Variants in CD8B2 observed in about 807,000 individuals in gnomAD.
The protein encoded by CD8B2 is CD8B family member 2.
Under a neutral mutation model 23.7 loss-of-function variants are expected in CD8B2, and 11 were observed. The observed-to-expected ratio is 0.46, with a 90% CI of 0.29 to 0.77. The LOEUF (loss-of-function observed/expected upper bound fraction) is 0.77, where lower values mean the gene tolerates loss of function less well. Ranked by LOEUF, CD8B2 falls within the 30% of genes least tolerant of loss-of-function variation. The pLI is 0.09. For missense variants in CD8B2, 197 were observed against 270.5 expected (o/e 0.73, Z 1.91); for synonymous variants, 90 against 109.3 (o/e 0.82, Z 1.10).
At chr2:106,499,190 C>T (rs1679353009) in intron 3 of CD8B2, among the ~76,000 whole-genome samples, 2 of 152,092 alleles carry the variant, frequency 1.3e-5, no homozygotes, top group South Asian at 4.1e-4. Flanking sequence ...AGGAGCCCTG[C>T]CGCCCTGTAC....
At chr2:106,494,956 A>G (rs1477528518) in intron 2 of CD8B2, among the ~76,000 whole-genome samples, 1 of 152,176 alleles carries the variant, frequency 6.6e-6, no homozygotes, top group Non-Finnish European at 1.5e-5. Context: ...CTACATGCAG[A>G]AAAGGGCACC....
intron 5 of CD8B2, 90 bp downstream of exon 5, chr2:106,504,415 C>A: frequency 6.5e-7 from 1 of 1,547,538 alleles, no homozygotes. Flanking sequence ...AAAGTCAGAC[C>A]TCATCTTCCA....
intron 5 of CD8B2, among the ~76,000 whole-genome samples, chr2:106,541,063 T>C (rs1680164820): frequency 6.6e-6 from 1 of 152,036 alleles, no homozygotes; most frequent in Non-Finnish European, 1.5e-5. Context: ...GAGCTGGATG[T>C]GCAAGGGCCC....
chr2:106,510,770 T>C lies in CD8B2; in HGVS notation c.*3830T>C, dbSNP rs1262329937. On this transcript the variant is annotated 3_prime_UTR_variant, in exon 6 of 6. Transcript: ENST00000643224. ...TTCTAAAAAAAGTTTCTTGTTTTTT[T>C]TTCTTCCCATATTTTTTAAAACATA... 1 of 152,136 alleles carries C rather than the reference T, an allele frequency of 6.6e-6. No homozygotes were observed. The highest frequency in any genetic ancestry group is 1.5e-5 in the Non-Finnish European group (1 of 68,036). The allele number at this position is 152,136 out of a possible 1,614,324, so 9.4% of individuals were successfully genotyped here.
At chr2:106,515,356 C>T (rs2104565488), downstream of CD8B2, among the ~76,000 whole-genome samples, 1 of 152,334 alleles carries the variant, frequency 6.6e-6, no homozygotes, top group Middle Eastern at 3.4e-3. Flanking sequence ...CCTGTTTGTG[C>T]TCCCCACAAC....
At chr2:106,516,396 C>T (rs10206009) in intron 5 of CD8B2, among the ~76,000 whole-genome samples, 149,977 of 152,320 alleles carry the variant, frequency 0.98, 73,875 homozygotes, top group East Asian at 1. Context: ...TAAGCTGACC[C>T]GATACCTTCT....
intron 3 of CD8B2, among the ~76,000 whole-genome samples, chr2:106,501,323 G>A (rs1196613628): frequency 2.0e-5 from 3 of 151,870 alleles, no homozygotes; most frequent in Non-Finnish European, 4.4e-5. Flanking sequence ...AAGGTGCATT[G>A]AAAAAATAAA....
intron 3 of CD8B2, among the ~76,000 whole-genome samples, chr2:106,499,490 C>T (rs1679360810): frequency 6.7e-6 from 1 of 149,654 alleles, no homozygotes; most frequent in Non-Finnish European, 1.5e-5. Flanking sequence ...CGAGATCACG[C>T]CATTGCACTT....
rs549112335 is a variant in CD8B2, at chr2:106,535,166, A to G, written c.621-8826A>G. On this transcript the variant is annotated intron_variant, in intron 5 of 5. Coordinates refer to the CD8B2 transcript ENST00000416057. ...ATAATGTCCCAACGGTACCTTTTGG[A>G]AAAATCCATGGCTTCCTCCCTCTCT... The G allele has an allele frequency of 7.2e-5, 11 of 152,336 alleles. No homozygotes were observed. The South Asian group carries it at 2.1e-3, about 29-fold the overall frequency. The allele number at this position is 152,336 out of a possible 1,614,324, so 9.4% of individuals were successfully genotyped here.
At chr2:106,538,937 A>G (rs1018914146) in intron 5 of CD8B2, among the ~76,000 whole-genome samples, 1 of 152,178 alleles carries the variant, frequency 6.6e-6, no homozygotes, top group Admixed American at 6.5e-5. Flanking sequence ...GTGACTGTTT[A>G]TCTGTGTGAC....
chr2:106,498,780 C>T (rs1362463103), intron 3 of CD8B2, among the ~76,000 whole-genome samples: 2 of 152,138 alleles, frequency 1.3e-5, no homozygotes, highest in Non-Finnish European at 2.9e-5. Flanking sequence ...TGCTATTATA[C>T]ACCAGGCACT....
rs900062594 is a variant in CD8B2 at position 106,520,429 on chromosome 2, A to G, written c.620+16104A>G. ...AATCATTGAGGCTCGGGGACCAGAG[A>G]CACTGGGGGTAGGTGGTTCTCAGAA... On this transcript the variant is annotated intron_variant, in intron 5 of 5. Coordinates refer to the CD8B2 transcript ENST00000416057. Among the ~76,000 whole-genome samples the G allele has an allele frequency of 2.0e-5, 3 of 152,230 alleles. 1 individual carries two copies.
chr2:106,491,285 G>C (rs1159154880), intron 2 of CD8B2, 52 bp downstream of exon 2: 2 of 1,403,982 alleles, frequency 1.4e-6, no homozygotes, highest in Non-Finnish European at 2.0e-6. Context: ...TGCCAGGCAC[G>C]TGCCAGGCAC....
chr2:106,516,750 AC>A (rs1220052451), intron 5 of CD8B2, among the ~76,000 whole-genome samples: 3 of 152,126 alleles, frequency 2.0e-5, no homozygotes, highest in African/African-American at 4.8e-5. Flanking sequence ...AAGTTATACC[AC>A]ACATATAACT....
At chr2:106,535,152 A>G (rs976441013) in intron 5 of CD8B2, 15 of 152,162 alleles carry the variant, frequency 9.9e-5, no homozygotes, top group African/African-American at 3.6e-4. Context: ...TAATGTCCCA[A>G]CGGTACCTTT....
At chr2:106,541,486 TG>T (rs750982585) in intron 5 of CD8B2, among the ~76,000 whole-genome samples, 4 of 152,180 alleles carry the variant, frequency 2.6e-5, no homozygotes, top group Non-Finnish European at 5.9e-5. Context: ...CTAGCGGATA[TG>T]TTGCTAAACA....
chr2:106,492,042 A>T (rs1679206996), intron 2 of CD8B2, among the ~76,000 whole-genome samples: 1 of 152,142 alleles, frequency 6.6e-6, no homozygotes, highest in Admixed American at 6.5e-5. Flanking sequence ...GGGGCAGTGG[A>T]GGGACAGGTG....
intron 5 of CD8B2, among the ~76,000 whole-genome samples, chr2:106,522,780 T>C (rs1191045329): frequency 2.0e-5 from 3 of 152,202 alleles, no homozygotes; most frequent in African/African-American, 7.2e-5. Flanking sequence ...TAGAATTATG[T>C]ACGTAGGTTT....
At chr2:106,501,339 A>T (rs1679400616) in intron 3 of CD8B2, among the ~76,000 whole-genome samples, 1 of 151,980 alleles carries the variant, frequency 6.6e-6, no homozygotes, top group Admixed American at 6.5e-5. Flanking sequence ...ATAAAGGTAC[A>T]AAAGAACAAT....
Sources: allele counts gnomAD v4.1 joint callset (sites outside exome capture counted in the v4.1 genomes callset), GRCh38; gene constraint gnomAD v4.1.1; transcripts MANE v1.5; gene names NCBI Gene and HGNC (gene_info 2026-07-23, HGNC 2026-07-21).